The following MACROD2 variants were observed in gnomAD, a reference collection of about 807,000 sequenced individuals.
MACROD2 encodes mono-ADP ribosylhydrolase 2.
A neutral mutation model predicts 70.4 loss-of-function variants in MACROD2; 36 were observed. The ratio of observed to expected loss-of-function variants is 0.51; its 90% confidence interval spans 0.39 to 0.68. The LOEUF (loss-of-function observed/expected upper bound fraction) is 0.68, where lower values mean the gene tolerates loss of function less well. Ranked by LOEUF, MACROD2 falls within the 30% of genes least tolerant of loss-of-function variation. MACROD2 has a pLI of 0.00. For missense variants in MACROD2, 496 were observed against 538.4 expected (o/e 0.92, Z 0.78); for synonymous variants, 172 against 178.8 (o/e 0.96, Z 0.30).
chr20:14,665,157 T>C (rs1209661020), intron 4 of MACROD2, among the ~76,000 whole-genome samples: 4 of 152,150 alleles, frequency 2.6e-5, no homozygotes, highest in Non-Finnish European at 5.9e-5. Flanking sequence ...TGTTTCTATC[T>C]ACAATGCTTA....
intron 3 of MACROD2, among the ~76,000 whole-genome samples, chr20:14,451,630 G>A (rs1420090642): frequency 6.6e-6 from 1 of 152,096 alleles, no homozygotes; most frequent in Admixed American, 6.5e-5. Context: ...GATTTCCCAG[G>A]GCACGTAGAC....
chr20:14,671,488 T>C (rs1388846262), intron 4 of MACROD2, among the ~76,000 whole-genome samples: 2 of 152,176 alleles, frequency 1.3e-5, no homozygotes, highest in African/African-American at 4.8e-5. Context: ...TCACTGTTTC[T>C]TGGGTATCTG....
At chr20:16,016,287 C>T (rs1357156519) in intron 15 of MACROD2, among the ~76,000 whole-genome samples, 1 of 152,146 alleles carries the variant, frequency 6.6e-6, no homozygotes, top group East Asian at 1.9e-4. Flanking sequence ...ACTCCCAAAT[C>T]TTGTCAGTGT....
rs141732656 is a variant in MACROD2 at position 14,091,588 on chromosome 20, G to A, written c.271+5860G>A. ...TATATATATATCAAAACATCACATT[G>A]TACCTCATAAACGTATACAATGATT... On this transcript the variant is annotated intron_variant, in intron 3 of 17. Coordinates refer to ENST00000684519, the MANE Select transcript of MACROD2 (RefSeq NM_001351661.2). Among the ~76,000 whole-genome samples, 205 of 152,012 alleles carry A rather than the reference G, an allele frequency of 1.3e-3. 2 individuals carry two copies. In the East Asian group the frequency reaches 0.029, roughly 21 times the overall value.
chr20:14,629,952 G>GTTCT (rs201078091), intron 4 of MACROD2, among the ~76,000 whole-genome samples: 26,268 of 128,946 alleles, frequency 0.2, 2,388 homozygotes, highest in Middle Eastern at 0.25. Flanking sequence ...TATGTGCTAA[G>GTTCT]GTCTATCTAT....
chr20:15,065,499 C>CA (rs1398756947), intron 5 of MACROD2, among the ~76,000 whole-genome samples: 2 of 151,880 alleles, frequency 1.3e-5, no homozygotes, highest in East Asian at 3.9e-4. Flanking sequence ...ACTAAAAATA[C>CA]AAAAAATTAG....
At chr20:15,341,969 A>G (rs1210917341) in intron 6 of MACROD2, among the ~76,000 whole-genome samples, 1 of 152,120 alleles carries the variant, frequency 6.6e-6, no homozygotes, top group Non-Finnish European at 1.5e-5. Context: ...CAGGAGAATA[A>G]TTTAAGCCTA....
chr20:15,883,030 TAAAA>T (rs11480149), intron 9 of MACROD2, among the ~76,000 whole-genome samples: 1 of 145,752 alleles, frequency 6.9e-6, no homozygotes, highest in Non-Finnish European at 1.5e-5. Context: ...ACAAGATTCT[TAAAA>T]AAAAAAACAA....
At chr20:15,672,537 C>G (rs1304872877) in intron 8 of MACROD2, among the ~76,000 whole-genome samples, 2 of 152,098 alleles carry the variant, frequency 1.3e-5, no homozygotes, top group African/African-American at 2.4e-5. Context: ...TACCCTTGCT[C>G]CCATTCTCAC....
At chr20:15,330,177 A>G (rs1387434373) in intron 6 of MACROD2, among the ~76,000 whole-genome samples, 1 of 152,058 alleles carries the variant, frequency 6.6e-6, no homozygotes, top group Non-Finnish European at 1.5e-5. Flanking sequence ...TGTAAAACTT[A>G]TATTAAATAA....
chr20:14,224,809 G>A (rs531255325), intron 3 of MACROD2, among the ~76,000 whole-genome samples: 4 of 152,096 alleles, frequency 2.6e-5, no homozygotes, highest in Admixed American at 2.0e-4. Context: ...CTGTTATTTC[G>A]CTCCATTATG....
At chr20:15,063,461 A>T (rs559135420) in intron 5 of MACROD2, among the ~76,000 whole-genome samples, 1 of 152,342 alleles carries the variant, frequency 6.6e-6, no homozygotes, top group South Asian at 2.1e-4. Flanking sequence ...CCTGCCTATC[A>T]TGGAATTTAA....
At chr20:15,816,427 A>C (rs2063876048) in intron 8 of MACROD2, among the ~76,000 whole-genome samples, 1 of 152,072 alleles carries the variant, frequency 6.6e-6, no homozygotes, top group South Asian at 2.1e-4. Context: ...ACACTTACCT[A>C]TCCATACATG....
At chr20:15,461,928 C>T (rs1319718748) in intron 7 of MACROD2, among the ~76,000 whole-genome samples, 1 of 151,986 alleles carries the variant, frequency 6.6e-6, no homozygotes, top group Admixed American at 6.6e-5. Context: ...TGTAAATTTA[C>T]TGTGTAAAAA....
In MACROD2 at chr20:14,851,504, A is replaced by G. The variant is rs1437241462; in HGVS notation, c.418+166545A>G. 3.3e-5 allele frequency among the ~76,000 whole-genome samples: 5 copies of G among 152,210 alleles called. No homozygotes were observed. In the South Asian group the frequency reaches 1.0e-3, roughly 32 times the overall value. On this transcript the variant is annotated intron_variant, in intron 5 of 17. Coordinates refer to ENST00000684519, the MANE Select transcript of MACROD2 (RefSeq NM_001351661.2). The stretch of plus-strand genomic sequence containing the variant: ...ATGGTTTCCATGGAGAGAGAAAATT[A>G]TCTCTTTAGATAAACTATTCTAGGG...
chr20:14,819,835 G>C (rs1034235137), intron 5 of MACROD2, among the ~76,000 whole-genome samples: 3 of 152,070 alleles, frequency 2.0e-5, no homozygotes, highest in Non-Finnish European at 4.4e-5. Flanking sequence ...GGGACATTGA[G>C]TTCAGGAGGG....
At chr20:15,358,535 A>C (rs2078315620) in intron 6 of MACROD2, among the ~76,000 whole-genome samples, 1 of 152,200 alleles carries the variant, frequency 6.6e-6, no homozygotes, top group Non-Finnish European at 1.5e-5. Context: ...ATGGCCAATA[A>C]GGAAAGAAAA....
At chr20:14,596,060 C>T (rs1332636035) in intron 4 of MACROD2, among the ~76,000 whole-genome samples, 1 of 151,858 alleles carries the variant, frequency 6.6e-6, no homozygotes, top group African/African-American at 2.4e-5. Flanking sequence ...TCCACACATA[C>T]ACCCACACAC....
chr20:14,166,698 T>A (rs1473962408), intron 3 of MACROD2, among the ~76,000 whole-genome samples: 1 of 152,174 alleles, frequency 6.6e-6, no homozygotes, highest in African/African-American at 2.4e-5. Context: ...TCCCACTCTC[T>A]GTATCTCCCT....
Sources: gnomAD v4.1 joint callset for allele counts (sites outside exome capture counted in the v4.1 genomes callset) on GRCh38, gnomAD v4.1.1 for gene constraint, MANE v1.5 for transcripts, NCBI Gene and HGNC (gene_info 2026-07-23, HGNC 2026-07-21) for gene names.